Variants in NGRN observed in about 807,000 individuals in gnomAD.
NGRN encodes neugrin.
NGRN carries 12 observed loss-of-function variants against 13.1 expected under a neutral mutation model. The ratio of observed to expected loss-of-function variants is 0.92; its 90% CI spans 0.59 to 1.49. NGRN has a LOEUF of 1.49. Among genes scored for constraint, NGRN ranks in the 40% most tolerant of loss-of-function variants. The pLI is 0.00. For synonymous variants in NGRN, 149 were observed against 145.8 expected (o/e 1.02, Z -0.16); for missense variants, 397 against 357.0 (o/e 1.11, Z -0.90).
chr15:90,265,705 G>A lies in NGRN; in HGVS notation c.-8G>A. ...GTAGCCGACTGCTGAAGGCTGGTTT[G>A]CGTCGACATGGCGGTTACCCTGAGT... On this transcript the variant is annotated 5_prime_UTR_variant, in exon 1 of 3. Coordinates refer to ENST00000379095, the MANE Select transcript of NGRN (RefSeq NM_001033088.3). 1 of 1,613,248 alleles carries A rather than the reference G, an allele frequency of 6.2e-7. No homozygotes were observed. Among genetic ancestry groups the A allele is most frequent in the Non-Finnish European group, 8.5e-7 (1 of 1,179,870 alleles).
In NGRN at chr15:90,266,190, A is replaced by G; in HGVS notation, c.165-98A>G. 3.4e-6 allele frequency: 5 copies of G among 1,491,762 alleles called. No individual in the cohort carries two copies. The South Asian group carries it at 6.7e-5, about 20-fold the overall frequency. The allele number at this position is 1,491,762 out of a possible 1,614,324, so 92.4% of individuals were successfully genotyped here. On this transcript the variant is annotated intron_variant, in intron 1 of 2. Coordinates refer to ENST00000379095, the MANE Select transcript of NGRN (RefSeq NM_001033088.3). ...ATGGCCCGGTTGCCCTTGCGATCAA[A>G]GAGAAGAGGGCTGGGCGCTCCATGA... is the stretch of plus-strand genomic sequence containing the variant.
intron 2 of NGRN, among the ~76,000 whole-genome samples, chr15:90,267,813 C>T (rs1963450829): frequency 2.6e-5 from 4 of 152,196 alleles, no homozygotes. Flanking sequence ...GGTCAAAAGA[C>T]AAATGCATTT....
Position 90,265,768 on chromosome 15 carries a change from G to T in NGRN, c.56G>T (p.Arg19Leu). Residue 19 changes from arginine (R) to leucine (L), a missense_variant, in exon 1 of 3, where the codon CGC becomes CTC. Transcript: ENST00000379095. ...GGGCGCGTTTGCGCCGCCGTCACTC[G>T]CTGTGGGTTCGCGACCCGGGGGGTG... The part of the protein sequence containing the change: ...LGGRVCAAVT[R>L]CGFATRGVAG... 6.2e-7 allele frequency: 1 copy of T among 1,613,220 alleles called. No individual in the cohort carries two copies. Among genetic ancestry groups the T allele is most frequent in the East Asian group, 2.2e-5 (1 of 44,852 alleles).
chr15:90,268,407 A>C lies in NGRN; in HGVS notation c.275+2009A>C, dbSNP rs559765389. ...CCTTTTAAGAGGAAAAAAAAAAAAC[A>C]GTCCATTAAGTAAAAACTTTCAGCT... On this transcript the variant is annotated intron_variant, in intron 2 of 2. Coordinates refer to ENST00000379095, the MANE Select transcript of NGRN (RefSeq NM_001033088.3). 2.7e-5 allele frequency among the ~76,000 whole-genome samples: 4 copies of C among 150,336 alleles called. No individual in the cohort carries two copies. The South Asian group carries it at 8.4e-4, about 31-fold the overall frequency.
chr15:90,266,009 G>C (rs1335489969), intron 1 of NGRN, 133 bp downstream of exon 1: 2 of 1,407,328 alleles, frequency 1.4e-6, no homozygotes, highest in Admixed American at 6.6e-5. Flanking sequence ...CCCGTTGTTA[G>C]GGGCGCAGCG....
At position 90,271,464 on chromosome 15, in the gene NGRN, C is replaced by A; in HGVS notation, c.552C>A (p.Asp184Glu). The A allele has an allele frequency of 6.2e-7, 1 of 1,614,040 alleles. No homozygotes were observed. The highest frequency in any genetic ancestry group is 8.5e-7 in the Non-Finnish European group (1 of 1,180,012). The change falls in exon 3 of 3, where the codon GAC becomes GAA. Residue 184 changes from aspartate to glutamate, a missense_variant. Asp to Glu is a conservative substitution (Grantham distance 45). Transcript: ENST00000379095. ...CAGGGCATGAAGCCTCATCTAAAGA[C>A]CCAAATCACAGCACAGCTTTGAAAG... is the stretch of plus-strand genomic sequence containing the variant. ...LMPGHEASSK[D>E]PNHSTALKVI...
intron 2 of NGRN, among the ~76,000 whole-genome samples, chr15:90,266,939 G>T (rs1166254983): frequency 6.6e-6 from 1 of 151,850 alleles, no homozygotes; most frequent in Non-Finnish European, 1.5e-5. Context: ...TTTGTTTTGA[G>T]TAGGTAAAGT....
chr15:90,267,602 A>G (rs1963445771), intron 2 of NGRN, among the ~76,000 whole-genome samples: 2 of 152,084 alleles, frequency 1.3e-5, no homozygotes, highest in African/African-American at 4.8e-5. Flanking sequence ...CGGCCTCCCA[A>G]AGTGCTGGGA....
In NGRN at chr15:90,265,894, G is replaced by C. The variant is rs758464737; in HGVS notation, c.164+18G>C. On this transcript the variant is annotated intron_variant, in intron 1 of 2. Transcript: ENST00000379095. Reference sequence around the variant, plus strand: ...GTGGAGAGGTACCGGCTTCTCCCCGGGCCCTCAGCTTGAAGCAGGGCCTCG... The same window carrying C: ...GTGGAGAGGTACCGGCTTCTCCCCGCGCCCTCAGCTTGAAGCAGGGCCTCG... 1 of 1,524,540 alleles carries C rather than the reference G, an allele frequency of 6.6e-7. No individual in the cohort carries two copies. The highest frequency in any genetic ancestry group is 1.2e-5 in the South Asian group (1 of 81,146). The allele number at this position is 1,524,540 out of a possible 1,614,324, so 94.4% of individuals were successfully genotyped here.
In NGRN at chr15:90,271,799, G is replaced by T. The variant is rs769340718; in HGVS notation, c.*11G>T. On this transcript the variant is annotated 3_prime_UTR_variant, in exon 3 of 3. Coordinates refer to ENST00000379095, the MANE Select transcript of NGRN (RefSeq NM_001033088.3). ...CTGTACAGAATTTGAGTCGGGGCTTGGCTTATGGAGATGCCTCGTGAAACA... is the reference window on the plus strand; with the variant it reads ...CTGTACAGAATTTGAGTCGGGGCTTTGCTTATGGAGATGCCTCGTGAAACA... The T allele has an allele frequency of 7.5e-5, 121 of 1,610,706 alleles. No homozygotes were observed. The highest frequency in any genetic ancestry group is 1.0e-4 in the Non-Finnish European group (119 of 1,177,614).
At chr15:90,266,071 T>G (rs1264982721) in intron 1 of NGRN, 195 bp downstream of exon 1, 1 of 1,424,182 alleles carries the variant, frequency 7.0e-7, no homozygotes, top group Non-Finnish European at 9.1e-7. Flanking sequence ...GTGACGTATT[T>G]CATCATCAGT....
At position 90,269,391 on chromosome 15, in the gene NGRN, T is replaced by C. The variant is rs1963474826; in HGVS notation, c.276-1797T>C. ...ATGTGCAGAATGTGCAGGTTTGTTA[T>C]ATAGGTGTACATGTGCCATGGTGAA... On this transcript the variant is annotated intron_variant, in intron 2 of 2. Transcript: ENST00000379095. Among the ~76,000 whole-genome samples, 4 of 151,954 alleles carry C rather than the reference T, an allele frequency of 2.6e-5. No homozygotes were observed. In the South Asian group the frequency reaches 6.2e-4, roughly 24 times the overall value.
At chr15:90,269,709 A>G (rs570953746) in intron 2 of NGRN, among the ~76,000 whole-genome samples, 4 of 152,234 alleles carry the variant, frequency 2.6e-5, no homozygotes, top group African/African-American at 7.2e-5. Context: ...CATATATTCA[A>G]CTGTGTACCA....
Position 90,265,846 on chromosome 15 carries a change from C to A in NGRN, c.134C>A (p.Pro45Gln). Residue 45 changes from proline to glutamine, a missense_variant, in exon 1 of 3, where the codon CCG becomes CAG. Physicochemically the swap from Pro to Gln is moderately conservative, Grantham distance 76. Coordinates refer to ENST00000379095, the MANE Select transcript of NGRN (RefSeq NM_001033088.3). Reference sequence around the variant, plus strand: ...CCGGACCCCGATTCCGACTGGGAGCCGGAGGAACGGGAGCTGCAGGAGGTG... The same window carrying A: ...CCGGACCCCGATTCCGACTGGGAGCAGGAGGAACGGGAGCTGCAGGAGGTG... Reference protein sequence around the residue: ...REPDPDSDWEPEERELQEVES... With the variant: ...REPDPDSDWEQEERELQEVES... The A allele has an allele frequency of 6.2e-7, 1 of 1,606,376 alleles. No individual in the cohort carries two copies. Among genetic ancestry groups the A allele is most frequent in the Non-Finnish European group, 8.5e-7 (1 of 1,176,624 alleles).
intron 1 of NGRN, 169 bp downstream of exon 1, chr15:90,266,045 A>G: frequency 7.1e-7 from 1 of 1,410,010 alleles, no homozygotes; most frequent in Non-Finnish European, 9.2e-7. Context: ...CCCTGGGACC[A>G]CTGGTCCCTT....
rs781388680 is a variant in NGRN, at chr15:90,265,698, C to T, written c.-15C>T. 4.2e-5 allele frequency: 67 copies of T among 1,613,006 alleles called. No homozygotes were observed. The highest frequency in any genetic ancestry group is 5.6e-5 in the Non-Finnish European group (66 of 1,179,828). ...CTGTTTCGTAGCCGACTGCTGAAGG[C>T]TGGTTTGCGTCGACATGGCGGTTAC... On this transcript the variant is annotated 5_prime_UTR_variant, in exon 1 of 3. Coordinates refer to ENST00000379095, the MANE Select transcript of NGRN (RefSeq NM_001033088.3).
Position 90,266,451 on chromosome 15 carries a change from C to G in NGRN, c.275+53C>G, listed in dbSNP as rs1350668485. On this transcript the variant is annotated intron_variant, in intron 2 of 2. Transcript: ENST00000379095. The stretch of plus-strand genomic sequence containing the variant: ...CCGCTGTGATGAGAAGTGAAGGATG[C>G]TGGAGCCCAGAAACGGGTTTGGCTT... 5.0e-5 allele frequency: 72 copies of G among 1,427,820 alleles called. No individual in the cohort carries two copies. In the Middle Eastern group the frequency reaches 5.3e-4, roughly 11 times the overall value. The allele number at this position is 1,427,820 out of a possible 1,614,324, so 88.4% of individuals were successfully genotyped here.
chr15:90,271,744 C>G lies in NGRN; in HGVS notation c.832C>G (p.Arg278Gly). 1 of 1,614,090 alleles carries G rather than the reference C, an allele frequency of 6.2e-7. No individual in the cohort carries two copies. Among genetic ancestry groups the G allele is most frequent in the Non-Finnish European group, 8.5e-7 (1 of 1,180,030 alleles). Residue 278 changes from arginine to glycine, a missense_variant, in exon 3 of 3, where the codon CGA (arginine) becomes GGA (glycine). By Grantham distance (125) the Arg-to-Gly change is moderately radical (BLOSUM62 -2). Coordinates refer to ENST00000379095, the MANE Select transcript of NGRN (RefSeq NM_001033088.3). ...CAGCAGCAAAGTAGTGCAGAGGGGC[C>G]GAGAGTTCTTTGACAGCAACGGGAA... ...NFSSKVVQRG[R>G]EFFDSNGNFL...
At position 90,270,391 on chromosome 15, in the gene NGRN, ATC is replaced by A. The variant is rs376274729; in HGVS notation, c.276-792_276-791del. ...CTTCACTTTATCATCAGTATCTTTC[ATC>A]TCTCCTTCTCTCCTCCCTTCTGCCA... On this transcript the variant is annotated intron_variant, in intron 2 of 2. Transcript: ENST00000379095. Among the ~76,000 whole-genome samples, 31 of 152,096 alleles carry A rather than the reference ATC, an allele frequency of 2.0e-4. No individual in the cohort carries two copies. In the East Asian group the frequency reaches 3.7e-3, roughly 18 times the overall value.
Sources: gnomAD v4.1 joint callset for allele counts (sites outside exome capture counted in the v4.1 genomes callset) on GRCh38, gnomAD v4.1.1 for gene constraint, MANE v1.5 for transcripts, NCBI Gene and HGNC (gene_info 2026-07-23, HGNC 2026-07-21) for gene names.